EFCAB13: variants seen among roughly 807,000 people sequenced by gnomAD.
EFCAB13 encodes EF-hand calcium binding domain 13, also known as EF-hand calcium-binding domain-containing protein 13.
In EFCAB13, 91 loss-of-function variants were observed where a neutral mutation model predicts 110.2. That is an observed-to-expected ratio of 0.83 (90% CI 0.70 to 0.98). The LOEUF (loss-of-function observed/expected upper bound fraction) is 0.98, where lower values mean the gene tolerates loss of function less well. Ranked by LOEUF, EFCAB13 falls within the 50% of genes least tolerant of loss-of-function variation. The pLI, the probability that EFCAB13 is intolerant of heterozygous loss-of-function variation, is 0.00. For missense variants in EFCAB13, 968 were observed against 1,119.4 expected (o/e 0.86, Z 1.93); for synonymous variants, 323 against 369.9 (o/e 0.87, Z 1.45).
At chr17:47,393,198 C>T (rs1445827264) in intron 15 of EFCAB13, among the ~76,000 whole-genome samples, 6 of 152,120 alleles carry the variant, frequency 3.9e-5, no homozygotes, top group African/African-American at 1.4e-4. Flanking sequence ...GCACAAGCCA[C>T]CATGCCTGGC....
At chr17:47,346,433 A>AACCCCC (rs2065416316) in intron 8 of EFCAB13, among the ~76,000 whole-genome samples, 1 of 94,362 alleles carries the variant, frequency 1.1e-5, no homozygotes, top group African/African-American at 4.3e-5. Flanking sequence ...AACGTACTTT[A>AACCCCC]CCCCCCCCCC....
At chr17:47,423,541 G>A (rs1904801735) in intron 23 of EFCAB13, 1 of 298,144 alleles carries the variant, frequency 3.4e-6, no homozygotes, top group Admixed American at 5.1e-5. Context: ...CCCCGGCCGT[G>A]CCAGGCACGG....
chr17:47,362,507 C>A (rs1166134039), intron 10 of EFCAB13, among the ~76,000 whole-genome samples: 1 of 152,158 alleles, frequency 6.6e-6, no homozygotes, highest in Non-Finnish European at 1.5e-5. Context: ...GTCTCCCTTT[C>A]CCCGGGGGAG....
intron 20 of EFCAB13, 39 bp downstream of exon 20, chr17:47,404,672 A>G (rs1007183346): frequency 1.4e-5 from 21 of 1,478,760 alleles, no homozygotes; most frequent in Admixed American, 5.5e-5. Flanking sequence ...AGGCAATGAT[A>G]CAGAACTTAT....
intron 9 of EFCAB13, among the ~76,000 whole-genome samples, chr17:47,357,857 A>G (rs966975917): frequency 2.0e-5 from 3 of 152,180 alleles, no homozygotes; most frequent in African/African-American, 4.8e-5. Flanking sequence ...CTAACTTGCA[A>G]CTTTCACTCG....
intron 14 of EFCAB13, among the ~76,000 whole-genome samples, chr17:47,390,437 A>G (rs1265979314): frequency 1.3e-5 from 2 of 152,144 alleles, no homozygotes; most frequent in Non-Finnish European, 2.9e-5. Context: ...AAACCAGATG[A>G]ATTCCAGTTA....
chr17:47,367,999 G>T (rs1011998907), intron 10 of EFCAB13, among the ~76,000 whole-genome samples: 10 of 152,126 alleles, frequency 6.6e-5, no homozygotes, highest in African/African-American at 2.4e-4. Context: ...CACTTTTTCA[G>T]ATTCAAGCAG....
At chr17:47,384,457 A>T (rs1290099515) in intron 14 of EFCAB13, among the ~76,000 whole-genome samples, 1 of 151,168 alleles carries the variant, frequency 6.6e-6, no homozygotes, top group African/African-American at 2.4e-5. Context: ...TGGTATTAAG[A>T]AAGTTTTTCT....
At chr17:47,337,165 G>A (rs927008452) in intron 5 of EFCAB13, among the ~76,000 whole-genome samples, 9 of 152,164 alleles carry the variant, frequency 5.9e-5, no homozygotes, top group African/African-American at 2.2e-4. Flanking sequence ...AAGGAAGGTC[G>A]TGGGAGGTTA....
chr17:47,334,368 A>G (rs1360794130), intron 4 of EFCAB13, among the ~76,000 whole-genome samples: 2 of 152,160 alleles, frequency 1.3e-5, no homozygotes, highest in Non-Finnish European at 2.9e-5. Context: ...TCTTTATAAA[A>G]TATGTCTTTT....
intron 4 of EFCAB13, among the ~76,000 whole-genome samples, chr17:47,329,425 G>A (rs1438628225): frequency 6.6e-6 from 1 of 152,010 alleles, no homozygotes; most frequent in African/African-American, 2.4e-5. Context: ...TGTAAAACAT[G>A]TACCTATACT....
intron 23 of EFCAB13, among the ~76,000 whole-genome samples, chr17:47,420,123 T>G (rs1226537729): frequency 2.6e-5 from 4 of 152,222 alleles, no homozygotes; most frequent in Admixed American, 2.0e-4. Context: ...GGTTTTCGTA[T>G]TTTTTTGGTG....
At chr17:47,404,409 A>G (rs1341281111) in intron 19 of EFCAB13, among the ~76,000 whole-genome samples, 153 bp from the exon 20 acceptor site, 1 of 152,194 alleles carries the variant, frequency 6.6e-6, no homozygotes, top group Non-Finnish European at 1.5e-5. Flanking sequence ...TTGTAGGGTT[A>G]TTGCGAGGCT....
chr17:47,429,828 A>G lies in EFCAB13; in HGVS notation c.2505A>G (p.Ile835Met). Residue 835 changes from isoleucine (I) to methionine (M), a missense_variant, in exon 24 of 25, where the codon ATA becomes ATG. By Grantham distance (10) the Ile-to-Met change is conservative. Transcript: ENST00000331493. Reference sequence around the variant, plus strand: ...GCTCTCCTTTTGCAGCTACACAGATACTCTTAGCTACTACCCAAATTCTCC... The same window carrying G: ...GCTCTCCTTTTGCAGCTACACAGATGCTCTTAGCTACTACCCAAATTCTCC... ...PHFQKSKATQ[I>M]LLATTQILQN... The G allele has an allele frequency of 1.9e-6, 3 of 1,599,474 alleles. No individual in the cohort carries two copies. The highest frequency in any genetic ancestry group is 2.6e-6 in the Non-Finnish European group (3 of 1,171,082).
intron 22 of EFCAB13, 119 bp from the exon 23 acceptor site, chr17:47,414,729 T>G: frequency 1.5e-6 from 1 of 689,536 alleles, no homozygotes. Flanking sequence ...TTCAATCATT[T>G]GAGACAGAAA....
At chr17:47,424,616 A>G (rs925518907) in intron 23 of EFCAB13, among the ~76,000 whole-genome samples, 2 of 152,048 alleles carry the variant, frequency 1.3e-5, no homozygotes, top group Non-Finnish European at 2.9e-5. Flanking sequence ...ATTGGGAGAT[A>G]TTCCTCTTCC....
chr17:47,437,626 C>T (rs1319326618), intron 24 of EFCAB13, among the ~76,000 whole-genome samples: 1 of 152,088 alleles, frequency 6.6e-6, no homozygotes, highest in East Asian at 1.9e-4. Flanking sequence ...TTTTTCCACC[C>T]CTTTACTTTA....
In EFCAB13 at chr17:47,374,512, C is replaced by T. The variant is rs747431479; in HGVS notation, c.918C>T (p.Asp306=). The T allele has an allele frequency of 2.3e-5, 36 of 1,551,872 alleles. No homozygotes were observed. Among genetic ancestry groups the T allele is most frequent in the Non-Finnish European group, 3.1e-5 (36 of 1,156,486 alleles). Residue 306 remains aspartate (D), a synonymous_variant, in exon 12 of 25, where the codon GAC becomes GAT. Coordinates refer to ENST00000331493, the MANE Select transcript of EFCAB13 (RefSeq NM_152347.5). ...CACCTTTGAATGAAATTACTTCAGA[C>T]AGAAAGTTATCAAGTGTAGCAGGAT... is the stretch of plus-strand genomic sequence containing the variant. ...EGSPLNEITS[D]RKLSSVAGCY...
intron 5 of EFCAB13, among the ~76,000 whole-genome samples, chr17:47,336,267 C>CA (rs2065349477): frequency 1.3e-5 from 2 of 150,662 alleles, no homozygotes; most frequent in Admixed American, 1.3e-4. Flanking sequence ...GCTGGGACTA[C>CA]AGGCGTGCGC....
Sources: gnomAD v4.1 joint callset for allele counts (sites outside exome capture counted in the v4.1 genomes callset) on GRCh38, gnomAD v4.1.1 for gene constraint, MANE v1.5 for transcripts, NCBI Gene and HGNC (gene_info 2026-07-23, HGNC 2026-07-21) for gene names.